ADAM17: variants seen among roughly 807,000 people sequenced by gnomAD.
ADAM17 encodes the protein disintegrin and metalloproteinase domain-containing protein 17.
In ADAM17, 39 loss-of-function variants were observed where a neutral mutation model predicts 96.7. That is an observed-to-expected ratio of 0.40 (90% CI 0.31 to 0.53). The LOEUF (loss-of-function observed/expected upper bound fraction) is 0.53, where lower values mean the gene tolerates loss of function less well. Ranked by LOEUF, ADAM17 falls within the 20% of genes least tolerant of loss-of-function variation. The pLI is 0.44. For synonymous variants in ADAM17, 344 were observed against 359.2 expected (o/e 0.96, Z 0.48); for missense variants, 777 against 1,013.2 (o/e 0.77, Z 3.17).
intron 8 of ADAM17, 54 bp downstream of exon 8, chr2:9,521,149 A>C: frequency 7.4e-7 from 1 of 1,355,730 alleles, no homozygotes; most frequent in Non-Finnish European, 1.1e-6. Flanking sequence ...TACAATCCAC[A>C]TATCAGAAAT....
chr2:9,522,725 TG>T (rs1392955737), intron 7 of ADAM17, among the ~76,000 whole-genome samples: 2 of 152,290 alleles, frequency 1.3e-5, no homozygotes, highest in South Asian at 2.1e-4. Context: ...CCTAGCAATT[TG>T]AAATAACTTT....
chr2:9,512,155 A>C (rs916716261), intron 10 of ADAM17, among the ~76,000 whole-genome samples: 15 of 152,144 alleles, frequency 9.9e-5, no homozygotes, highest in Non-Finnish European at 2.9e-5. Flanking sequence ...GGGAAAAAAA[A>C]CTTAAATTTT....
intron 7 of ADAM17, chr2:9,522,480 G>A: frequency 1.7e-6 from 1 of 573,814 alleles, no homozygotes; most frequent in Non-Finnish European, 3.3e-6. Context: ...AATGAAAAGG[G>A]AAAAATAATT....
At position 9,526,171 on chromosome 2, in the gene ADAM17, T is replaced by G; in HGVS notation, c.693A>C (p.Ala231=). 6.2e-7 allele frequency: 1 copy of G among 1,613,780 alleles called. No individual in the cohort carries two copies. Among genetic ancestry groups the G allele is most frequent in the Non-Finnish European group, 8.5e-7 (1 of 1,179,712 alleles). The change falls in exon 6 of 19, where the codon GCA becomes GCC. Residue 231 remains alanine, a synonymous_variant. Coordinates refer to ENST00000310823, the MANE Select transcript of ADAM17 (RefSeq NM_003183.6). ...CCATGTATCTGTAGAAGCGATGATC[T>G]GCTACCACCAATAATTTACACGTGT... ...MKNTCKLLVV[A]DHRFYRYMGR...
At chr2:9,510,963 TAA>T (rs1324715216) in intron 10 of ADAM17, among the ~76,000 whole-genome samples, 1 of 152,246 alleles carries the variant, frequency 6.6e-6, no homozygotes, top group African/African-American at 2.4e-5. Context: ...ATGTAATTTA[TAA>T]GATATACTGG....
rs548548539 is a variant in ADAM17, at chr2:9,489,725, C to CAAAAAA, written c.*446_*451dup. ...TATCTCCTTTGTTTTTAGTTGAAGG[C>CAAAAAA]AAAAAAAAAAAAAAAAAAAAAAAAC... is the stretch of plus-strand genomic sequence containing the variant. On this transcript the variant is annotated 3_prime_UTR_variant, in exon 19 of 19. Coordinates refer to ENST00000310823, the MANE Select transcript of ADAM17 (RefSeq NM_003183.6). 2 of 78,324 alleles carry CAAAAAA rather than the reference C, an allele frequency of 2.6e-5. No individual in the cohort carries two copies. The highest frequency in any genetic ancestry group is 1.8e-4 in the Admixed American group (1 of 5,494). The allele number at this position is 78,324 out of a possible 1,614,324, so 4.9% of individuals were successfully genotyped here. A position where few individuals can be genotyped will look rare whatever the true frequency, so the allele number is the denominator to read the frequency against.
chr2:9,524,512 G>A (rs1203787673), intron 6 of ADAM17, among the ~76,000 whole-genome samples: 1 of 151,870 alleles, frequency 6.6e-6, no homozygotes, highest in African/African-American at 2.4e-5. Context: ...ATTTTCGACT[G>A]CAGAGGGAAG....
At chr2:9,554,086 A>C (rs1197468755) in intron 1 of ADAM17, among the ~76,000 whole-genome samples, 2 of 151,926 alleles carry the variant, frequency 1.3e-5, no homozygotes, top group African/African-American at 4.8e-5. Context: ...GGTCTAAAAA[A>C]CCTTACGATC....
chr2:9,551,120 G>A (rs1665579533), intron 1 of ADAM17, among the ~76,000 whole-genome samples: 1 of 151,576 alleles, frequency 6.6e-6, no homozygotes, highest in Non-Finnish European at 1.5e-5. Context: ...TATTTGAAGT[G>A]CCAAATGGGC....
intron 6 of ADAM17, among the ~76,000 whole-genome samples, chr2:9,523,644 A>G (rs532851584): frequency 6.6e-6 from 1 of 152,294 alleles, no homozygotes; most frequent in Middle Eastern, 3.4e-3. Context: ...TTCAGCCAAT[A>G]ATAAAAATTA....
At chr2:9,535,368 T>C (rs1664918044) in intron 4 of ADAM17, among the ~76,000 whole-genome samples, 1 of 152,250 alleles carries the variant, frequency 6.6e-6, no homozygotes, top group Admixed American at 6.5e-5. Context: ...TTGATTTCTA[T>C]TGCTACTCTT....
At chr2:9,503,051 A>G (rs560020559) in intron 12 of ADAM17, among the ~76,000 whole-genome samples, 1 of 151,526 alleles carries the variant, frequency 6.6e-6, no homozygotes, top group East Asian at 1.9e-4. Context: ...AAGGCAGGAG[A>G]ATAGCTTGAA....
intron 12 of ADAM17, 117 bp from the exon 13 acceptor site, chr2:9,502,393 G>A (rs973556191): frequency 2.0e-5 from 16 of 787,496 alleles, no homozygotes; most frequent in Middle Eastern, 3.6e-4. Flanking sequence ...TCCTGGCTCC[G>A]TCACCCACTC....
At chr2:9,541,445 C>T (rs1278287589) in intron 2 of ADAM17, among the ~76,000 whole-genome samples, 1 of 152,062 alleles carries the variant, frequency 6.6e-6, no homozygotes, top group African/African-American at 2.4e-5. Context: ...CTCCTGTAAT[C>T]CCAGCTACTC....
rs564216253 is a variant in ADAM17, at chr2:9,512,527, ATC to A, written c.1192-2398_1192-2397del. 7.7e-4 allele frequency: 118 copies of A among 152,304 alleles called. 1 individual carries two copies. The highest frequency in any genetic ancestry group is 2.5e-3 in the African/African-American group (104 of 41,548). 9.4% of individuals were successfully genotyped at this position (152,304 alleles called of 1,614,324 possible). A position where few individuals can be genotyped will look rare whatever the true frequency, so the allele number is the denominator to read the frequency against. ...TCAGGAGCAATCCTCAGGAAACAGA[ATC>A]TCTCTCTCTGACCTTCTCCTGTCCT... On this transcript the variant is annotated intron_variant, in intron 10 of 18. Coordinates refer to ENST00000310823, the MANE Select transcript of ADAM17 (RefSeq NM_003183.6).
chr2:9,533,188 T>TAA (rs879812315), intron 4 of ADAM17, among the ~76,000 whole-genome samples: 2 of 138,768 alleles, frequency 1.4e-5, no homozygotes, highest in Non-Finnish European at 1.6e-5. Flanking sequence ...GATGCCATCT[T>TAA]AAAAAAAAAA....
intron 5 of ADAM17, 23 bp downstream of exon 5, chr2:9,527,763 G>T: frequency 6.8e-7 from 1 of 1,468,472 alleles, no homozygotes; most frequent in South Asian, 1.5e-5. Flanking sequence ...TTTCTTATTT[G>T]AAATACACTC....
At chr2:9,499,396 CA>C (rs1477255320) in intron 13 of ADAM17, among the ~76,000 whole-genome samples, 2 of 151,914 alleles carry the variant, frequency 1.3e-5, no homozygotes, top group Non-Finnish European at 2.9e-5. Context: ...AGGTTCCTAA[CA>C]TTTGTTTTTT....
At position 9,523,290 on chromosome 2, in the gene ADAM17, C is replaced by G; in HGVS notation, c.802G>C (p.Asp268His). Residue 268 changes from aspartate (D) to histidine (H), a missense_variant, in exon 7 of 19, where the codon GAT (aspartate) becomes CAT (histidine). Physicochemically the swap from Asp to His is moderately conservative, Grantham distance 81. Transcript: ENST00000310823. ...VDDIYRNTSWDNAGFKGYGIQ... is the reference protein window; with the variant it reads ...VDDIYRNTSWHNAGFKGYGIQ... ...CCATAGCCTTTAAAACCTGCATTAT[C>G]CCATGAAGTGTTCCGATAGATGTCA... 1 of 1,613,062 alleles carries G rather than the reference C, an allele frequency of 6.2e-7. No individual in the cohort carries two copies. The highest frequency in any genetic ancestry group is 8.5e-7 in the Non-Finnish European group (1 of 1,179,504).
Sources: gnomAD v4.1 joint callset for allele counts (sites outside exome capture counted in the v4.1 genomes callset) on GRCh38, gnomAD v4.1.1 for gene constraint, MANE v1.5 for transcripts, NCBI Gene and HGNC (gene_info 2026-07-23, HGNC 2026-07-21) for gene names.